Variants in FMO5 observed in about 807,000 individuals in gnomAD.
FMO5 encodes flavin containing dimethylaniline monoxygenase 5, also known as flavin-containing monooxygenase 5.
Under a neutral mutation model 43.6 loss-of-function variants are expected in FMO5, and 51 were observed. That is an observed-to-expected ratio of 1.17 (90% CI 0.93 to 1.48). The LOEUF (loss-of-function observed/expected upper bound fraction) is 1.48. FMO5 is among the 40% of genes most tolerant of loss of function. The pLI is 0.00. For synonymous variants in FMO5, 187 were observed against 216.5 expected (o/e 0.86, Z 1.20); for missense variants, 644 against 643.0 (o/e 1.00, Z -0.02).
chr1:147,192,600 G>A (rs1419209964), intron 7 of FMO5, among the ~76,000 whole-genome samples: 3 of 151,838 alleles, frequency 2.0e-5, no homozygotes, highest in African/African-American at 7.3e-5. Flanking sequence ...AGTTTTCAAA[G>A]GGAATGCTTC....
chr1:147,208,729 A>G (rs587627579), intron 6 of FMO5, 123 bp downstream of exon 6: 3 of 753,392 alleles, frequency 4.0e-6, no homozygotes, highest in East Asian at 5.4e-5. Flanking sequence ...GTGAGCCACC[A>G]TGCCCAGCCA....
chr1:147,189,011 C>T (rs1436882083), intron 8 of FMO5, among the ~76,000 whole-genome samples: 1 of 152,098 alleles, frequency 6.6e-6, no homozygotes, highest in Non-Finnish European at 1.5e-5. Flanking sequence ...TACGGTGGCT[C>T]ATGCCTGTAA....
At chr1:147,209,922 T>G (rs1411168506) in intron 5 of FMO5, 1 of 152,226 alleles carries the variant, frequency 6.6e-6, no homozygotes, top group Admixed American at 6.5e-5. Context: ...TTATTGATAT[T>G]AAACTTTCTA....
intron 3 of FMO5, among the ~76,000 whole-genome samples, chr1:147,214,537 A>G (rs1661652728): frequency 6.6e-6 from 1 of 151,482 alleles, no homozygotes; most frequent in East Asian, 1.9e-4. Flanking sequence ...TTCCTCTATC[A>G]TGTTCTTTTA....
chr1:147,217,835 A>G (rs1221467965), intron 2 of FMO5, among the ~76,000 whole-genome samples: 2 of 152,120 alleles, frequency 1.3e-5, no homozygotes, highest in African/African-American at 2.4e-5. Context: ...GGATTCAAAG[A>G]CCTCCATAAT....
At chr1:147,197,638 C>T (rs1315564784) in intron 7 of FMO5, among the ~76,000 whole-genome samples, 1 of 152,038 alleles carries the variant, frequency 6.6e-6, no homozygotes, top group Non-Finnish European at 1.5e-5. Context: ...CTCCTGCCAC[C>T]CTGTGAAGAA....
chr1:147,203,742 T>C (rs1659466500), intron 6 of FMO5: 1 of 1,533,306 alleles, frequency 6.5e-7, no homozygotes, highest in Admixed American at 1.7e-5. Context: ...ACTTTGAAAG[T>C]ATTAACACCA....
intron 8 of FMO5, among the ~76,000 whole-genome samples, chr1:147,188,828 A>C (rs1656133597): frequency 6.6e-6 from 1 of 151,996 alleles, no homozygotes; most frequent in African/African-American, 2.4e-5. Flanking sequence ...AGGTGGTTAG[A>C]CAAAAATAAG....
At chr1:147,194,301 T>G (rs1657511854) in intron 7 of FMO5, among the ~76,000 whole-genome samples, 1 of 152,168 alleles carries the variant, frequency 6.6e-6, no homozygotes, top group African/African-American at 2.4e-5. Context: ...TGGTTTAAAG[T>G]CTGTTTTATC....
intron 5 of FMO5, chr1:147,210,530 G>A (rs1660910671): frequency 6.6e-6 from 1 of 152,148 alleles, no homozygotes; most frequent in African/African-American, 2.4e-5. Flanking sequence ...TAAGCACTCT[G>A]ATAATTATGT....
chr1:147,196,609 T>A (rs12120362), intron 7 of FMO5, among the ~76,000 whole-genome samples: 1 of 152,080 alleles, frequency 6.6e-6, no homozygotes, highest in Admixed American at 6.5e-5. Context: ...AATTAAAAAA[T>A]TTTAAAAAGA....
At chr1:147,218,754 T>C (rs1361975670) in intron 2 of FMO5, among the ~76,000 whole-genome samples, 2 of 152,242 alleles carry the variant, frequency 1.3e-5, no homozygotes, top group Non-Finnish European at 2.9e-5. Context: ...AGTTATTAAA[T>C]TGTTCCTGAA....
Position 147,213,552 on chromosome 1 carries a change from A to G in FMO5, c.325-82T>C, listed in dbSNP as rs587669476. On this transcript the variant is annotated intron_variant, in intron 3 of 8. Transcript: ENST00000254090. ...GTGTTACACAAAGGGCTGATATCACAGACACTATCACATAATAGGACCCAT... is the reference window on the plus strand; with the variant it reads ...GTGTTACACAAAGGGCTGATATCACGGACACTATCACATAATAGGACCCAT... The G allele has an allele frequency of 1.6e-5, 20 of 1,222,718 alleles. No homozygotes were observed. The South Asian group carries it at 3.5e-4, about 21-fold the overall frequency. 75.7% of individuals were successfully genotyped at this position (1,222,718 alleles called of 1,614,324 possible). A position where few individuals can be genotyped will look rare whatever the true frequency, so the allele number is the denominator to read the frequency against.
At position 147,201,247 on chromosome 1, in the gene FMO5, CT is replaced by C. The variant is rs782285749; in HGVS notation, c.1087del (p.Arg363GlyfsTer7). 5 of 1,614,150 alleles carry C rather than the reference CT, an allele frequency of 3.1e-6. No homozygotes were observed. The East Asian group carries it at 1.1e-4, about 36-fold the overall frequency. ...CAAGCCTATGATTGCAAGAGTTGGCCTTTCCAGGTTAGGAGGGAAGACCTTT... is the reference window on the plus strand; with the variant it reads ...CAAGCCTATGATTGCAAGAGTTGGCCTTCCAGGTTAGGAGGGAAGACCTTT... Reference protein sequence around the residue: ...YKKVFPPNLERPTLAIIGLIQ... With the variant: ...YKKVFPPNLEXPTLAIIGLIQ... On this transcript the variant is annotated frameshift_variant, in exon 7 of 9. Transcript: ENST00000254090. LOFTEE classifies it high-confidence loss of function.
intron 2 of FMO5, among the ~76,000 whole-genome samples, chr1:147,223,330 T>C (rs1470261): frequency 0.41 from 61,837 of 152,036 alleles, 13,202 homozygotes; most frequent in East Asian, 0.69. Flanking sequence ...TGAATAAGGA[T>C]GATTGTCACA....
intron 5 of FMO5, among the ~76,000 whole-genome samples, 188 bp from the exon 6 acceptor site, chr1:147,209,239 G>GAAACCCCGTCTCTACTGAA (rs1410864695): frequency 1.1e-4 from 17 of 152,016 alleles, no homozygotes; most frequent in Admixed American, 9.8e-4. Flanking sequence ...CTAACACAGT[G>GAAACCCCGTCTCTACTGAA]AAACCCCGTC....
At chr1:147,193,941 T>G (rs1473611014) in intron 7 of FMO5, among the ~76,000 whole-genome samples, 3 of 152,072 alleles carry the variant, frequency 2.0e-5, no homozygotes, top group Admixed American at 2.0e-4. Flanking sequence ...GTGATCAATT[T>G]TGCAATAGGT....
In FMO5 at chr1:147,216,752, T is replaced by C. The variant is rs144238987; in HGVS notation, c.136-810A>G. Among the ~76,000 whole-genome samples the C allele has an allele frequency of 5.9e-3, 905 of 152,302 alleles. 4 individuals carry two copies. Among genetic ancestry groups the C allele is most frequent in the Middle Eastern group, 0.01 (3 of 294 alleles). On this transcript the variant is annotated intron_variant, in intron 2 of 8. Transcript: ENST00000254090. ...TGTAGACTAGCAGCTGGGGCTTCCC[T>C]TGAGAGATTGTGTTAGAAATGCAGA...
chr1:147,192,174 T>A (rs587697892), intron 7 of FMO5, among the ~76,000 whole-genome samples: 4 of 152,286 alleles, frequency 2.6e-5, no homozygotes, highest in Admixed American at 2.6e-4. Context: ...CTTTGTATCC[T>A]CTTTTATTTC....
Sources: allele counts gnomAD v4.1 joint callset (sites outside exome capture counted in the v4.1 genomes callset), GRCh38; gene constraint gnomAD v4.1.1; transcripts MANE v1.5; gene names NCBI Gene and HGNC (gene_info 2026-07-23, HGNC 2026-07-21).